The following CFAP47 variants were observed in gnomAD, a reference collection of about 807,000 sequenced individuals.
CFAP47 encodes the protein cilia- and flagella-associated protein 47.
Under a neutral mutation model 148.1 loss-of-function variants are expected in CFAP47, and 29 were observed. That is an observed-to-expected ratio of 0.20 (90% CI 0.15 to 0.27). The LOEUF (loss-of-function observed/expected upper bound fraction) is 0.27, where lower values mean the gene tolerates loss of function less well. Among genes scored for constraint, CFAP47 ranks in the 10% least tolerant of loss-of-function variants. The pLI is 1.00. For missense variants in CFAP47, 1,872 were observed against 1,697.5 expected (o/e 1.10, Z -1.81); for synonymous variants, 664 against 577.3 (o/e 1.15, Z -2.15).
At chrX:36,225,697 AGAGATCT>A (rs1275201861) in intron 45 of CFAP47, among the ~76,000 whole-genome samples, 2 of 111,578 alleles carry the variant, frequency 1.8e-5, no homozygotes, top group African/African-American at 6.5e-5. Context: ...TGGGATCCAT[AGAGATCT>A]GTCCCATTGG....
intron 48 of CFAP47, among the ~76,000 whole-genome samples, chrX:36,247,396 C>G (rs1195636168): frequency 9.0e-6 from 1 of 110,678 alleles, no homozygotes; most frequent in African/African-American, 3.3e-5. Context: ...TGTAACAAAC[C>G]TGTACAAGTA....
intron 26 of CFAP47, among the ~76,000 whole-genome samples, chrX:36,061,637 A>C (rs1290574426): frequency 8.9e-6 from 1 of 112,512 alleles, no homozygotes; most frequent in South Asian, 3.7e-4. Context: ...TATTTTGCTA[A>C]TGGTTATTGA....
At chrX:36,265,665 G>A (rs1940882824) in intron 49 of CFAP47, among the ~76,000 whole-genome samples, 1 of 111,884 alleles carries the variant, frequency 8.9e-6, no homozygotes, top group South Asian at 3.8e-4. Flanking sequence ...ATCTTAATGT[G>A]CTTTCTTGCC....
intron 29 of CFAP47, among the ~76,000 whole-genome samples, chrX:36,075,514 C>A (rs1188084841): frequency 1.8e-5 from 2 of 112,222 alleles, no homozygotes; most frequent in African/African-American, 6.5e-5. Context: ...GCATGAGCCA[C>A]TGCGCCCAGC....
chrX:36,036,285 G>T (rs1208259504), intron 24 of CFAP47, among the ~76,000 whole-genome samples: 1 of 110,946 alleles, frequency 9.0e-6, no homozygotes, highest in Non-Finnish European at 1.9e-5. Context: ...GATTTCATAT[G>T]AGTGAGATTA....
chrX:35,949,140 A>AGTGTGTGTGTGTGTGTGT (rs201452327), intron 4 of CFAP47, among the ~76,000 whole-genome samples: 2 of 86,948 alleles, frequency 2.3e-5, no homozygotes, highest in Non-Finnish European at 2.4e-5. Context: ...GCATCTGTGG[A>AGTGTGTGTGTGTGTGTGT]GTGTGTGTGT....
chrX:36,026,980 C>T (rs1490446118), intron 22 of CFAP47, among the ~76,000 whole-genome samples: 1 of 107,676 alleles, frequency 9.3e-6, no homozygotes, highest in Admixed American at 1.0e-4. Flanking sequence ...TCTTCTATAT[C>T]CATTATATGC....
chrX:35,927,273 CA>C (rs1385906299), intron 2 of CFAP47, among the ~76,000 whole-genome samples: 3 of 111,176 alleles, frequency 2.7e-5, no homozygotes, highest in Non-Finnish European at 5.7e-5. Context: ...CCCATTTTTG[CA>C]TAGGAATCAA....
chrX:36,104,677 A>G lies in CFAP47; in HGVS notation c.5306A>G (p.Lys1769Arg), dbSNP rs1425873651. 2.0e-5 allele frequency: 17 copies of G among 841,386 alleles called. No homozygotes were observed. The highest frequency in any genetic ancestry group is 2.7e-5 in the Non-Finnish European group (16 of 585,059). 69.3% of individuals were successfully genotyped at this position (841,386 alleles called of 1,213,427 possible). Residue 1769 changes from lysine to arginine, a missense_variant, in exon 33 of 64, where the codon AAA (lysine) becomes AGA (arginine). Transcript: ENST00000378653. ...NYENTRHVIW[K>R]NCHKDVIPSE... ...GAGAATACTCGACATGTGATATGGA[A>G]AAACTGTCACAAAGGTGAGAAGTGA... is the stretch of plus-strand genomic sequence containing the variant.
Position 36,276,762 on chromosome X carries a change from G to T in CFAP47, c.7445-3725G>T, listed in dbSNP as rs1337323566. The stretch of plus-strand genomic sequence containing the variant: ...TACATATCTACACACCCATTAGAAA[G>T]AATTGGTTCTCAGATTTATGTGAGA... On this transcript the variant is annotated intron_variant, in intron 49 of 63. Coordinates refer to ENST00000378653, the MANE Select transcript of CFAP47 (RefSeq NM_001304548.2). Among the ~76,000 whole-genome samples, 3 of 112,111 alleles carry T rather than the reference G, an allele frequency of 2.7e-5. No individual in the cohort carries two copies. The East Asian group carries it at 8.4e-4, about 31-fold the overall frequency.
chrX:36,059,244 A>G (rs1354554475), intron 26 of CFAP47, among the ~76,000 whole-genome samples: 3 of 111,886 alleles, frequency 2.7e-5, no homozygotes, highest in Non-Finnish European at 3.8e-5. Flanking sequence ...TGTAAAAAGC[A>G]TGGTTTGGAT....
intron 62 of CFAP47, among the ~76,000 whole-genome samples, chrX:36,373,455 TTGTGTG>T: frequency 9.2e-6 from 1 of 108,280 alleles, no homozygotes; most frequent in African/African-American, 3.3e-5. Flanking sequence ...GCGTGTGTGT[TTGTGTG>T]TGTGTGTGTG....
chrX:36,209,289 A>G (rs1456365820), intron 45 of CFAP47, among the ~76,000 whole-genome samples: 1 of 111,262 alleles, frequency 9.0e-6, no homozygotes, highest in Non-Finnish European at 1.9e-5. Flanking sequence ...TTTGGCAAAA[A>G]CTCTTCAAAT....
At chrX:36,125,189 C>T (rs1189432328) in intron 33 of CFAP47, among the ~76,000 whole-genome samples, 1 of 111,832 alleles carries the variant, frequency 8.9e-6, no homozygotes, top group African/African-American at 3.2e-5. Flanking sequence ...CTCACAAGGA[C>T]AGAAGCCACT....
chrX:35,955,860 C>T, intron 7 of CFAP47, 101 bp from the exon 8 acceptor site: 1 of 1,096,858 alleles, frequency 9.1e-7, no homozygotes, highest in Non-Finnish European at 1.2e-6. Flanking sequence ...AATGAGCTAC[C>T]CAATTTGCAT....
At chrX:36,244,238 G>A (rs1940587132) in intron 48 of CFAP47, among the ~76,000 whole-genome samples, 1 of 111,677 alleles carries the variant, frequency 9.0e-6, no homozygotes, top group Admixed American at 9.5e-5. Context: ...CTAAAGCGAT[G>A]TTAAGAGAAA....
intron 49 of CFAP47, among the ~76,000 whole-genome samples, chrX:36,267,370 G>T (rs782193368): frequency 9.0e-6 from 1 of 110,910 alleles, no homozygotes; most frequent in Non-Finnish European, 1.9e-5. Context: ...GATCTTTTTG[G>T]TTTTTTGCCA....
chrX:35,950,540 T>G (rs1472545573), intron 4 of CFAP47, among the ~76,000 whole-genome samples: 3 of 110,267 alleles, frequency 2.7e-5, no homozygotes, highest in Non-Finnish European at 5.7e-5. Context: ...TATTTAAATT[T>G]TTGTTGTTGT....
At chrX:36,316,595 T>C (rs1195304895) in intron 56 of CFAP47, among the ~76,000 whole-genome samples, 1 of 112,216 alleles carries the variant, frequency 8.9e-6, no homozygotes, top group East Asian at 2.8e-4. Context: ...AGAAAACATT[T>C]TGGCTTATTC....
Sources: allele counts gnomAD v4.1 joint callset (sites outside exome capture counted in the v4.1 genomes callset), GRCh38; gene constraint gnomAD v4.1.1; transcripts MANE v1.5; gene names NCBI Gene and HGNC (gene_info 2026-07-23, HGNC 2026-07-21).